INTS5: variants seen among roughly 807,000 people sequenced by gnomAD.
The protein encoded by INTS5 is integrator complex subunit 5.
INTS5 carries 29 observed loss-of-function variants against 60.0 expected under a neutral mutation model. The observed-to-expected ratio is 0.48, with a 90% CI of 0.36 to 0.66. INTS5 has a LOEUF of 0.66. Among genes scored for constraint, INTS5 ranks in the 30% least tolerant of loss-of-function variants. The pLI, the probability that INTS5 is intolerant of heterozygous loss-of-function variation, is 0.00. For missense variants in INTS5, 1,129 were observed against 1,307.9 expected (o/e 0.86, Z 2.11); for synonymous variants, 588 against 558.8 (o/e 1.05, Z -0.74).
chr11:62,649,217 A>G lies in INTS5; in HGVS notation c.863T>C (p.Val288Ala). Reference sequence around the variant, plus strand: ...GCCTACAACTGAGGCAATCTTGGGCACCCGTTTCTCCGCAGGAATGGCAGG... The same window carrying G: ...GCCTACAACTGAGGCAATCTTGGGCGCCCGTTTCTCCGCAGGAATGGCAGG... ...GSPAIPAEKR[V>A]PKIASVVGIL... Residue 288 changes from valine to alanine, a missense_variant, in exon 2 of 2, where the codon GTG becomes GCG. Around this residue, in one of 3 missense-constraint regions of INTS5, gnomAD observed 1,070 missense variants for 1,246.1 expected, o/e 0.86. Coordinates refer to ENST00000330574, the MANE Select transcript of INTS5 (RefSeq NM_030628.2). This position sits in a 1 kb window ranked among gnomAD's most constrained non-coding sequence, Gnocchi z 6.0. 1 of 1,612,350 alleles carries G rather than the reference A, an allele frequency of 6.2e-7. No individual in the cohort carries two copies. Among genetic ancestry groups the G allele is most frequent in the Non-Finnish European group, 8.5e-7 (1 of 1,179,402 alleles).
At chr11:62,650,334 T>A (rs1944583900) in intron 1 of INTS5, among the ~76,000 whole-genome samples, 1 of 152,104 alleles carries the variant, frequency 6.6e-6, no homozygotes, top group African/African-American at 2.4e-5. Context: ...GCCAGGATGG[T>A]CTTGATCTCC....
rs765310077 is a variant in INTS5, at chr11:62,647,478, G to A, written c.2602C>T (p.Pro868Ser). 4.7e-5 allele frequency: 75 copies of A among 1,604,940 alleles called. No homozygotes were observed. Among genetic ancestry groups the A allele is most frequent in the Non-Finnish European group, 6.3e-5 (74 of 1,174,264 alleles). The change falls in exon 2 of 2, where the codon CCC (proline) becomes TCC (serine). Residue 868 changes from proline (P) to serine (S), a missense_variant. By Grantham distance (74) the Pro-to-Ser change is moderately conservative. Coordinates refer to ENST00000330574, the MANE Select transcript of INTS5 (RefSeq NM_030628.2). ...FELLKLVAAA[P>S]PALCYCSVLL... Reference sequence around the variant, plus strand: ...ACGGAACAGTAGCACAGGGCTGGGGGTGCAGCTGCTACCAGCTTTAACAGC... The same window carrying A: ...ACGGAACAGTAGCACAGGGCTGGGGATGCAGCTGCTACCAGCTTTAACAGC...
chr11:62,648,472 G>A lies in INTS5; in HGVS notation c.1608C>T (p.Thr536=), dbSNP rs1419425048. 2.5e-6 allele frequency: 4 copies of A among 1,614,176 alleles called. No homozygotes were observed. The highest frequency in any genetic ancestry group is 2.5e-6 in the Non-Finnish European group (3 of 1,180,040). Residue 536 remains threonine, a synonymous_variant, in exon 2 of 2, where the codon ACC becomes ACT. Transcript: ENST00000330574. The surrounding 1 kb of genome is among the most constrained non-coding windows in gnomAD (Gnocchi z 4.4). ...TGACCACTAGCCCTGCATATAACTG[G>A]GTGGCCAAACTCAACTCTTCAGGGC... is the stretch of plus-strand genomic sequence containing the variant. ...ARSPEELSLA[T]QLYAGLVVSL...
At position 62,647,834 on chromosome 11, in the gene INTS5, A is replaced by T. The variant is rs1324887636; in HGVS notation, c.2246T>A (p.Phe749Tyr). 1 of 1,614,232 alleles carries T rather than the reference A, an allele frequency of 6.2e-7. No individual in the cohort carries two copies. The highest frequency in any genetic ancestry group is 1.1e-5 in the South Asian group (1 of 91,090). ...VPGPGGIWSV[F>Y]HAGVIGRGLK... ...GCCACGGCCGATGACTCCAGCATGG[A>T]AAACTGACCAAATCCCTCCAGGACC... The change falls in exon 2 of 2, where the codon TTC (phenylalanine) becomes TAC (tyrosine). Residue 749 changes from phenylalanine (F) to tyrosine (Y), a missense_variant. Phe to Tyr is a conservative substitution (Grantham distance 22). Transcript: ENST00000330574.
intron 1 of INTS5, among the ~76,000 whole-genome samples, chr11:62,651,256 G>A (rs1204089173): frequency 6.6e-5 from 10 of 151,556 alleles, no homozygotes; most frequent in African/African-American, 2.2e-4. Context: ...GACTACAGGC[G>A]CCCGCCACCA....
rs1337675444 is a variant in INTS5, at chr11:62,647,083, T to G, written c.2997A>C (p.Leu999=). 6.2e-7 allele frequency: 1 copy of G among 1,613,988 alleles called. No individual in the cohort carries two copies. Among genetic ancestry groups the G allele is most frequent in the Non-Finnish European group, 8.5e-7 (1 of 1,179,982 alleles). ...HSVLHRNIDR[L]GLFSGRFQAP... is the part of the protein sequence containing the mutation. ...CCTGGAAACGGCCAGAGAAAAGACC[T>G]AGGCGGTCGATGTTGCGGTGGAGGA... The change falls in exon 2 of 2, where the codon CTA becomes CTC. Residue 999 remains leucine, a synonymous_variant. Coordinates refer to ENST00000330574, the MANE Select transcript of INTS5 (RefSeq NM_030628.2).
In INTS5 at chr11:62,647,949, C is replaced by A. The variant is rs1435905951; in HGVS notation, c.2131G>T (p.Gly711Trp). ...NTELFGGQVD[G>W]DNETLSVVSA... ...ACAACTGAGAGAGTCTCATTGTCCC[C>A]ATCTACTTGCCCACCAAACAGTTCT... Residue 711 changes from glycine to tryptophan, a missense_variant, in exon 2 of 2, where the codon GGG (glycine) becomes TGG (tryptophan). By Grantham distance (184) the Gly-to-Trp change is radical (BLOSUM62 -2). Around this residue, in one of 3 missense-constraint regions of INTS5, gnomAD observed 1,070 missense variants for 1,246.1 expected, o/e 0.86. Transcript: ENST00000330574. The A allele has an allele frequency of 1.2e-6, 2 of 1,614,184 alleles. No homozygotes were observed. The highest frequency in any genetic ancestry group is 3.3e-5 in the Admixed American group (2 of 60,026).
Position 62,647,127 on chromosome 11 carries a change from G to A in INTS5, c.2953C>T (p.Leu985=). The change falls in exon 2 of 2, where the codon CTG becomes TTG. Residue 985 remains leucine, a synonymous_variant. Transcript: ENST00000330574. ...TGGAGGACACTGTGCAGCACAGCCA[G>A]ATGGGGTCCACCCTCACCTCCACCC... ...REGGGEGGPH[L]AVLHSVLHRN... The A allele has an allele frequency of 6.2e-7, 1 of 1,614,182 alleles. No individual in the cohort carries two copies. Among genetic ancestry groups the A allele is most frequent in the Non-Finnish European group, 8.5e-7 (1 of 1,180,032 alleles).
Position 62,648,120 on chromosome 11 carries a change from G to A in INTS5, c.1960C>T (p.Arg654Cys), listed in dbSNP as rs770126654. The change falls in exon 2 of 2, where the codon CGC becomes TGC. Residue 654 changes from arginine (R) to cysteine (C), a missense_variant. Arg to Cys is a radical substitution (Grantham distance 180). Coordinates refer to ENST00000330574, the MANE Select transcript of INTS5 (RefSeq NM_030628.2). This position sits in a 1 kb window ranked among gnomAD's most constrained non-coding sequence, Gnocchi z 4.4. ...TGCAGCCTCAGAGAGGCAAAGAAGCGGTGCACCCCAGCCCTTACCAGTCCC... is the reference window on the plus strand; with the variant it reads ...TGCAGCCTCAGAGAGGCAAAGAAGCAGTGCACCCCAGCCCTTACCAGTCCC... ...LLGLVRAGVHRFFASLRLHGP... is the reference protein window; with the variant it reads ...LLGLVRAGVHCFFASLRLHGP... The A allele has an allele frequency of 5.1e-5, 83 of 1,613,858 alleles. 1 individual carries two copies. The highest frequency in any genetic ancestry group is 2.2e-4 in the South Asian group (20 of 91,080).
Position 62,646,931 on chromosome 11 carries a change from TAG to T in INTS5, c.*87_*88del. The T allele has an allele frequency of 1.8e-6, 2 of 1,121,304 alleles. No homozygotes were observed. The highest frequency in any genetic ancestry group is 3.0e-5 in the South Asian group (2 of 66,612). 69.5% of individuals were successfully genotyped at this position (1,121,304 alleles called of 1,614,324 possible). A position where few individuals can be genotyped will look rare whatever the true frequency, so the allele number is the denominator to read the frequency against. On this transcript the variant is annotated 3_prime_UTR_variant, in exon 2 of 2. Coordinates refer to ENST00000330574, the MANE Select transcript of INTS5 (RefSeq NM_030628.2). ...GACAGCGCTCTTTAGACCAAGGACT[TAG>T]AAGAGAAACCTCCACCCTTCCGGAG... is the stretch of plus-strand genomic sequence containing the variant.
In INTS5 at chr11:62,648,128, C is replaced by T. The variant is rs1428047220; in HGVS notation, c.1952G>A (p.Gly651Glu). The T allele has an allele frequency of 6.2e-7, 1 of 1,613,708 alleles. No homozygotes were observed. The highest frequency in any genetic ancestry group is 2.2e-5 in the East Asian group (1 of 44,864). The change falls in exon 2 of 2, where the codon GGG becomes GAG. Residue 651 changes from glycine to glutamate, a missense_variant. Gly to Glu is a moderately conservative substitution (Grantham distance 98). This residue lies in a region of INTS5 where 1,070 missense variants were observed against 1,246.1 expected (regional missense o/e 0.86). Transcript: ENST00000330574. The surrounding 1 kb of genome is among the most constrained non-coding windows in gnomAD (Gnocchi z 4.4). ...CAGAGAGGCAAAGAAGCGGTGCACC[C>T]CAGCCCTTACCAGTCCCAGGAGCTG... The part of the protein sequence containing the change: ...PSQLLGLVRA[G>E]VHRFFASLRL...
chr11:62,647,957 T>C lies in INTS5; in HGVS notation c.2123A>G (p.Gln708Arg), dbSNP rs1362367536. The C allele has an allele frequency of 6.2e-7, 1 of 1,614,202 alleles. No individual in the cohort carries two copies. Among genetic ancestry groups the C allele is most frequent in the Non-Finnish European group, 8.5e-7 (1 of 1,180,042 alleles). ...HRGNTELFGG[Q>R]VDGDNETLSV... ...GAGAGTCTCATTGTCCCCATCTACTTGCCCACCAAACAGTTCTGTGTTGCC... is the reference window on the plus strand; with the variant it reads ...GAGAGTCTCATTGTCCCCATCTACTCGCCCACCAAACAGTTCTGTGTTGCC... Residue 708 changes from glutamine to arginine, a missense_variant, in exon 2 of 2, where the codon CAA becomes CGA. Gln to Arg is a conservative substitution (Grantham distance 43). This residue lies in a region of INTS5 where 1,070 missense variants were observed against 1,246.1 expected (regional missense o/e 0.86). Coordinates refer to ENST00000330574, the MANE Select transcript of INTS5 (RefSeq NM_030628.2).
In INTS5 at chr11:62,649,044, C is replaced by T; in HGVS notation, c.1036G>A (p.Val346Ile). ...ATVPFLLQLA[V>I]MSPALLGTVS... ...GTGCCCAGCAAAGCTGGTGACATGA[C>T]TGCCAGCTGCAGTAGGAACGGAACC... is the stretch of plus-strand genomic sequence containing the variant. The change falls in exon 2 of 2, where the codon GTC (valine) becomes ATC (isoleucine). Residue 346 changes from valine to isoleucine, a missense_variant. Physicochemically the swap from Val to Ile is conservative, Grantham distance 29. This residue lies in a region of INTS5 where 1,070 missense variants were observed against 1,246.1 expected (regional missense o/e 0.86). Transcript: ENST00000330574. The surrounding 1 kb of genome is among the most constrained non-coding windows in gnomAD (Gnocchi z 6.0). 1 of 1,612,214 alleles carries T rather than the reference C, an allele frequency of 6.2e-7. No individual in the cohort carries two copies. Among genetic ancestry groups the T allele is most frequent in the Non-Finnish European group, 8.5e-7 (1 of 1,178,760 alleles).
rs369169248 is a variant in INTS5 at position 62,648,805 on chromosome 11, C to A, written c.1275G>T (p.Leu425=). ...CCTCACGCACGGTGTCTGGCACAGC[C>A]AGGCCCTGGGTGGTAATGACCGAAG... ...MPASVITTQG[L]AVPDTVREAC... The change falls in exon 2 of 2, where the codon CTG becomes CTT. Residue 425 remains leucine (L), a synonymous_variant. Transcript: ENST00000330574. The surrounding 1 kb of genome is among the most constrained non-coding windows in gnomAD (Gnocchi z 4.4). 4 of 1,614,054 alleles carry A rather than the reference C, an allele frequency of 2.5e-6. No homozygotes were observed. The South Asian group carries it at 4.4e-5, about 18-fold the overall frequency.
Position 62,648,579 on chromosome 11 carries a change from G to A in INTS5, c.1501C>T (p.Gln501Ter). 1 of 1,614,102 alleles carries A rather than the reference G, an allele frequency of 6.2e-7. No homozygotes were observed. Among genetic ancestry groups the A allele is most frequent in the Non-Finnish European group, 8.5e-7 (1 of 1,180,012 alleles). The change falls in exon 2 of 2, where the codon CAG becomes TAG. Residue 501 changes from glutamine (Q) to a stop codon, truncating the protein, a stop_gained. Transcript: ENST00000330574. LOFTEE classifies it high-confidence loss of function. This position sits in a 1 kb window ranked among gnomAD's most constrained non-coding sequence, Gnocchi z 4.4. Reference sequence around the variant, plus strand: ...TAGACAGACAGCAGGCCCAAGAGCTGGTGCTGCCAGAGGAAGCGCTTCCGT... The same window carrying A: ...TAGACAGACAGCAGGCCCAAGAGCTAGTGCTGCCAGAGGAAGCGCTTCCGT... ...LERKRFLWQH[Q>*]LLGLLSVYTR...
rs1565120202 is a variant in INTS5 at position 62,649,479 on chromosome 11, TGA to T, written c.599_600del (p.Leu200HisfsTer3). On this transcript the variant is annotated frameshift_variant, in exon 2 of 2. Coordinates refer to ENST00000330574, the MANE Select transcript of INTS5 (RefSeq NM_030628.2). LOFTEE classifies it high-confidence loss of function. The surrounding 1 kb of genome is among the most constrained non-coding windows in gnomAD (Gnocchi z 6.0). ...MDIYVQCLSALIGSCPDACVD... is the reference protein window; with the variant it reads ...MDIYVQCLSAXIGSCPDACVD... The stretch of plus-strand genomic sequence containing the variant: ...ACACACGCATCTGGGCAGCTACCAA[TGA>T]GAGCCGAGAGGCACTGCACATAGAT... 6.2e-7 allele frequency: 1 copy of T among 1,614,056 alleles called. No homozygotes were observed.
At chr11:62,652,518 C>A (rs528052533) in intron 1 of INTS5, among the ~76,000 whole-genome samples, 3 of 152,202 alleles carry the variant, frequency 2.0e-5, no homozygotes, top group Admixed American at 2.0e-4. Context: ...ACCACCACAT[C>A]AACCACCACC....
At position 62,649,819 on chromosome 11, in the gene INTS5, G is replaced by A. The variant is rs778622213; in HGVS notation, c.261C>T (p.Ala87=). The change falls in exon 2 of 2, where the codon GCC becomes GCT. Residue 87 remains alanine, a synonymous_variant. Transcript: ENST00000330574. The surrounding 1 kb of genome is among the most constrained non-coding windows in gnomAD (Gnocchi z 6.0). The stretch of plus-strand genomic sequence containing the variant: ...GGGTTTCATCCAGGGCAGCCAGGTG[G>A]GCCCGGACACTCTCATCAAAGACAC... The part of the protein sequence containing the change: ...LRGVFDESVR[A]HLAALDETPV... 1.9e-6 allele frequency: 3 copies of A among 1,614,106 alleles called. No individual in the cohort carries two copies. Among genetic ancestry groups the A allele is most frequent in the Non-Finnish European group, 2.5e-6 (3 of 1,179,968 alleles).
At chr11:62,652,196 G>A (rs566988835) in intron 1 of INTS5, among the ~76,000 whole-genome samples, 2 of 150,714 alleles carry the variant, frequency 1.3e-5, no homozygotes, top group Admixed American at 1.3e-4. Flanking sequence ...CAGGCATGGT[G>A]TAATCCCAGC....
Sources: gnomAD v4.1 joint callset for allele counts (sites outside exome capture counted in the v4.1 genomes callset) on GRCh38, gnomAD v4.1.1 for gene constraint, gnomAD v4.1.1 regional missense constraint, Gnocchi (gnomAD v3.1) non-coding constraint, MANE v1.5 for transcripts, NCBI Gene and HGNC (gene_info 2026-07-23, HGNC 2026-07-21) for gene names.